The following MYT1L variants were observed in gnomAD, a reference collection of about 807,000 sequenced individuals.
The protein encoded by MYT1L is myelin transcription factor 1-like protein.
MYT1L carries 12 observed loss-of-function variants against 126.7 expected under a neutral mutation model. That is an observed-to-expected ratio of 0.09 (90% CI 0.06 to 0.15). The LOEUF (loss-of-function observed/expected upper bound fraction) is 0.15, where lower values mean the gene tolerates loss of function less well. Ranked by LOEUF, MYT1L falls within the 10% of genes least tolerant of loss-of-function variation. The pLI, the probability that MYT1L is intolerant of heterozygous loss-of-function variation, is 1.00. For missense variants in MYT1L, 979 were observed against 1,585.2 expected (o/e 0.62, Z 6.49); for synonymous variants, 541 against 604.2 (o/e 0.90, Z 1.53).
intron 4 of MYT1L, among the ~76,000 whole-genome samples, chr2:2,005,844 CCTG>C (rs767131987): frequency 6.7e-5 from 10 of 149,220 alleles, no homozygotes; most frequent in South Asian, 2.1e-4. Flanking sequence ...TTCTTTCCTG[CCTG>C]CTTTCTTTCC....
intron 22 of MYT1L, 105 bp downstream of exon 22, chr2:1,808,971 T>C (rs2036154351): frequency 9.9e-7 from 1 of 1,013,578 alleles, no homozygotes. Flanking sequence ...GCCCCTGCTT[T>C]CTAAGAAAAG....
chr2:1,916,543 A>G (rs2052860085), intron 11 of MYT1L, among the ~76,000 whole-genome samples: 1 of 152,240 alleles, frequency 6.6e-6, no homozygotes, highest in Non-Finnish European at 1.5e-5. Flanking sequence ...ACAAAAAAAG[A>G]TGTATATCAT....
chr2:2,204,751 C>T (rs2093244056), intron 2 of MYT1L, among the ~76,000 whole-genome samples: 1 of 151,814 alleles, frequency 6.6e-6, no homozygotes, highest in Admixed American at 6.6e-5. Flanking sequence ...ACCCAGCCAT[C>T]CCATTACTGG....
chr2:2,281,570 A>C (rs1484914724), intron 2 of MYT1L, among the ~76,000 whole-genome samples: 1 of 152,240 alleles, frequency 6.6e-6, no homozygotes, highest in Non-Finnish European at 1.5e-5. Flanking sequence ...GAGATTTAGC[A>C]GACTTATATT....
chr2:2,095,684 CCA>C (rs1341840192), intron 3 of MYT1L, among the ~76,000 whole-genome samples: 2 of 152,042 alleles, frequency 1.3e-5, no homozygotes, highest in African/African-American at 4.8e-5. Context: ...AATCTATGGG[CCA>C]AAGGGTTTTT....
intron 2 of MYT1L, among the ~76,000 whole-genome samples, chr2:2,239,744 A>C (rs967194006): frequency 1.3e-5 from 2 of 152,182 alleles, no homozygotes; most frequent in African/African-American, 4.8e-5. Context: ...CAAACCAATA[A>C]AAATAAACAA....
intron 5 of MYT1L, among the ~76,000 whole-genome samples, chr2:1,980,224 C>T (rs1558616203): frequency 6.8e-6 from 1 of 146,786 alleles, no homozygotes; most frequent in Non-Finnish European, 1.5e-5. Context: ...ATATATATAA[C>T]ATATATATTT....
chr2:1,966,904 G>A (rs557083156), intron 8 of MYT1L, among the ~76,000 whole-genome samples: 37 of 152,262 alleles, frequency 2.4e-4, no homozygotes, highest in Non-Finnish European at 4.9e-4. Context: ...TGCCCTGGAC[G>A]AATGGCACAT....
At chr2:2,038,220 C>T (rs2067106732) in intron 4 of MYT1L, among the ~76,000 whole-genome samples, 1 of 152,138 alleles carries the variant, frequency 6.6e-6, no homozygotes, top group Non-Finnish European at 1.5e-5. Flanking sequence ...GAAATCATGC[C>T]CCTTTTTATC....
chr2:2,066,834 G>C (rs1168132862), intron 3 of MYT1L, among the ~76,000 whole-genome samples: 1 of 152,218 alleles, frequency 6.6e-6, no homozygotes, highest in Non-Finnish European at 1.5e-5. Flanking sequence ...TCATTGCAGA[G>C]GAGCCATTCA....
intron 11 of MYT1L, among the ~76,000 whole-genome samples, chr2:1,913,249 TC>T: frequency 6.6e-6 from 1 of 152,362 alleles, no homozygotes; most frequent in African/African-American, 2.4e-5. Flanking sequence ...GGCAGTCCCT[TC>T]AGCAGAGTTT....
At chr2:2,029,781 T>C (rs1290755441) in intron 4 of MYT1L, among the ~76,000 whole-genome samples, 1 of 152,238 alleles carries the variant, frequency 6.6e-6, no homozygotes, top group Non-Finnish European at 1.5e-5. Flanking sequence ...AGTCTGTATA[T>C]AATTTAGAAA....
At chr2:1,879,094 C>T (rs955928361) in intron 18 of MYT1L, among the ~76,000 whole-genome samples, 4 of 152,182 alleles carry the variant, frequency 2.6e-5, no homozygotes, top group Non-Finnish European at 5.9e-5. Flanking sequence ...GCAGACGTGG[C>T]TGTGAGCTTT....
chr2:2,327,472 A>G, intron 1 of MYT1L, among the ~76,000 whole-genome samples: 1 of 151,756 alleles, frequency 6.6e-6, no homozygotes, highest in Middle Eastern at 3.4e-3. Flanking sequence ...TTCAAATAAA[A>G]AAGAAGATAT....
At chr2:1,899,938 A>G (rs535392779) in intron 14 of MYT1L, among the ~76,000 whole-genome samples, 1 of 152,284 alleles carries the variant, frequency 6.6e-6, no homozygotes, top group South Asian at 2.1e-4. Flanking sequence ...TGAAGTGAAG[A>G]TTTTGTGAGT....
chr2:1,997,830 C>G (rs545937016), intron 4 of MYT1L, among the ~76,000 whole-genome samples: 3 of 152,322 alleles, frequency 2.0e-5, no homozygotes, highest in Non-Finnish European at 2.9e-5. Context: ...AGAGGACCAG[C>G]CTAGTCTCCT....
intron 3 of MYT1L, among the ~76,000 whole-genome samples, chr2:2,109,437 A>G (rs1312028447): frequency 6.6e-6 from 1 of 152,130 alleles, no homozygotes; most frequent in Admixed American, 6.5e-5. Flanking sequence ...GTGAATTGAG[A>G]TGAACCAGGA....
intron 1 of MYT1L, among the ~76,000 whole-genome samples, chr2:2,307,565 A>C (rs1224880890): frequency 6.6e-6 from 1 of 152,128 alleles, no homozygotes; most frequent in African/African-American, 2.4e-5. Flanking sequence ...CAGTAATTTC[A>C]CATTATTGAG....
intron 3 of MYT1L, among the ~76,000 whole-genome samples, chr2:2,124,212 A>G (rs1210120353): frequency 1.3e-5 from 2 of 152,216 alleles, no homozygotes; most frequent in Admixed American, 6.5e-5. Flanking sequence ...ACATGTGGAT[A>G]TGATGTGTGT....
Sources: gnomAD v4.1 joint callset for allele counts (sites outside exome capture counted in the v4.1 genomes callset) on GRCh38, gnomAD v4.1.1 for gene constraint, MANE v1.5 for transcripts, NCBI Gene and HGNC (gene_info 2026-07-23, HGNC 2026-07-21) for gene names.